Variants in FAM3B observed in about 807,000 individuals in gnomAD.
FAM3B encodes FAM3 metabolism regulating signaling molecule B.
A neutral mutation model predicts 28.4 loss-of-function variants in FAM3B; 29 were observed. That is an observed-to-expected ratio of 1.02 (90% CI 0.76 to 1.39). The LOEUF is 1.39. Ranked by LOEUF, FAM3B falls within the 40% of genes most tolerant of loss-of-function variation. The probability of loss-of-function intolerance (pLI) is 0.00; values close to 1 mark genes in which losing one functional copy is unlikely to be tolerated. For synonymous variants in FAM3B, 91 were observed against 103.0 expected (o/e 0.88, Z 0.71); for missense variants, 266 against 293.9 (o/e 0.91, Z 0.69).
At chr21:41,348,571 G>A in intron 6 of FAM3B, 21 bp from the exon 7 acceptor site, 2 of 1,614,132 alleles carry the variant, frequency 1.2e-6, no homozygotes, top group Non-Finnish European at 1.7e-6. Context: ...ATGCTCACAT[G>A]CTTTTCCCTT....
chr21:41,344,379 C>T (rs113057956), intron 3 of FAM3B, 97 bp from the exon 4 acceptor site: 20,640 of 1,103,436 alleles, frequency 0.019, 350 homozygotes, highest in East Asian at 0.063. Flanking sequence ...AGGTGGGGGA[C>T]AGCAGATGAG....
At chr21:41,305,043 C>G (rs1256737350) in intron 1 of FAM3B, among the ~76,000 whole-genome samples, 1 of 152,138 alleles carries the variant, frequency 6.6e-6, no homozygotes. Flanking sequence ...AACACGTTTT[C>G]CTCCTTTATT....
upstream of FAM3B, among the ~76,000 whole-genome samples, chr21:41,313,747 A>G (rs1007919617): frequency 3.3e-5 from 5 of 152,022 alleles, no homozygotes; most frequent in Admixed American, 3.3e-4. Context: ...TACAGTATGT[A>G]TGCATGTCGC....
chr21:41,322,033 C>T (rs559300148), intron 1 of FAM3B, among the ~76,000 whole-genome samples: 2 of 152,284 alleles, frequency 1.3e-5, no homozygotes, highest in South Asian at 4.1e-4. Flanking sequence ...GCACTGGGCA[C>T]ATACCCCAGT....
intron 3 of FAM3B, among the ~76,000 whole-genome samples, chr21:41,338,728 C>T (rs917867087): frequency 2.6e-5 from 4 of 152,138 alleles, no homozygotes; most frequent in South Asian, 2.1e-4. Flanking sequence ...AATGGTTTTA[C>T]GGTTTCGTTT....
At chr21:41,354,841 A>G (rs1222551137) in intron 7 of FAM3B, among the ~76,000 whole-genome samples, 1 of 152,192 alleles carries the variant, frequency 6.6e-6, no homozygotes, top group African/African-American at 2.4e-5. Flanking sequence ...CCGAACTTAA[A>G]AGTTAAAAAA....
In FAM3B at chr21:41,326,530, T is replaced by C. The variant is rs916591950; in HGVS notation, c.163+3464T>C. Among the ~76,000 whole-genome samples the C allele has an allele frequency of 1.3e-5, 2 of 152,192 alleles. No individual in the cohort carries two copies. Among genetic ancestry groups the C allele is most frequent in the African/African-American group, 4.8e-5 (2 of 41,452 alleles). On this transcript the variant is annotated intron_variant, in intron 2 of 7. Coordinates refer to ENST00000357985, the MANE Select transcript of FAM3B (RefSeq NM_058186.4). This position sits in a 1 kb window ranked among gnomAD's most constrained non-coding sequence, Gnocchi z 4.0. Reference sequence around the variant, plus strand: ...TGCGCATGTCCACACGAAACAGGACTCTCACTTTGCAGAGCGCCAGGGGCT... The same window carrying C: ...TGCGCATGTCCACACGAAACAGGACCCTCACTTTGCAGAGCGCCAGGGGCT...
chr21:41,316,820 C>T lies in FAM3B; in HGVS notation c.-60C>T. 5 of 1,420,250 alleles carry T rather than the reference C, an allele frequency of 3.5e-6. No individual in the cohort carries two copies. The Admixed American group carries it at 1.2e-4, about 34-fold the overall frequency. The allele number at this position is 1,420,250 out of a possible 1,614,324, so 88.0% of individuals were successfully genotyped here. On this transcript the variant is annotated 5_prime_UTR_variant, in exon 1 of 8. Transcript: ENST00000357985. Reference sequence around the variant, plus strand: ...CCTTGCCTTCCTGACCCAGGGGCTCCGCTGGCTGCGGTCGCCTGGGAGCTG... The same window carrying T: ...CCTTGCCTTCCTGACCCAGGGGCTCTGCTGGCTGCGGTCGCCTGGGAGCTG...
chr21:41,344,016 A>T (rs2145824298), intron 3 of FAM3B, among the ~76,000 whole-genome samples: 1 of 152,256 alleles, frequency 6.6e-6, no homozygotes, highest in East Asian at 1.9e-4. Context: ...GCTACTTGGG[A>T]GGCTGAGATG....
intron 2 of FAM3B, among the ~76,000 whole-genome samples, chr21:41,325,505 A>G (rs2088847820): frequency 6.6e-6 from 1 of 152,220 alleles, no homozygotes. Flanking sequence ...ATGAGATCAT[A>G]GTTCCCAAAT....
intron 7 of FAM3B, among the ~76,000 whole-genome samples, chr21:41,352,599 C>G (rs1300652112): frequency 6.6e-6 from 1 of 152,026 alleles, no homozygotes; most frequent in Admixed American, 6.6e-5. Flanking sequence ...TCAAGACCAG[C>G]CTGGCCAACA....
At chr21:41,308,971 T>C (rs1366555326) in intron 1 of FAM3B, among the ~76,000 whole-genome samples, 3 of 152,144 alleles carry the variant, frequency 2.0e-5, no homozygotes, top group Non-Finnish European at 4.4e-5. Flanking sequence ...CCTCCCACTT[T>C]AGATTCATCT....
Position 41,347,035 on chromosome 21 carries a change from G to A in FAM3B, c.420G>A (p.Lys140=), listed in dbSNP as rs756310800. The stretch of plus-strand genomic sequence containing the variant: ...TAGATAACTCTGGACCGATGACAAA[G>A]TTTATTCAGAGTGCTGCTCCAAAAT... ...YEGDNSGPMT[K]FIQSAAPKSL... is the part of the protein sequence containing the mutation. Residue 140 remains lysine, a synonymous_variant, in exon 6 of 8, where the codon AAG becomes AAA. Transcript: ENST00000357985. 4.3e-6 allele frequency: 7 copies of A among 1,614,144 alleles called. No individual in the cohort carries two copies. The highest frequency in any genetic ancestry group is 1.3e-5 in the African/African-American group (1 of 75,050).
chr21:41,331,489 G>A (rs913186579), intron 2 of FAM3B, among the ~76,000 whole-genome samples: 1 of 151,970 alleles, frequency 6.6e-6, no homozygotes, highest in African/African-American at 2.4e-5. Flanking sequence ...TGCTTTTAGG[G>A]CATATTCCCC....
chr21:41,348,928 T>C (rs1382865966), intron 7 of FAM3B, among the ~76,000 whole-genome samples: 1 of 152,196 alleles, frequency 6.6e-6, no homozygotes, highest in Non-Finnish European at 1.5e-5. Context: ...GGGCTGTTGG[T>C]ATTGGTTTTT....
At chr21:41,346,808 C>T (rs2089064897) in intron 5 of FAM3B, among the ~76,000 whole-genome samples, 1 of 152,178 alleles carries the variant, frequency 6.6e-6, no homozygotes, top group Non-Finnish European at 1.5e-5. Context: ...CGCTGTGCCA[C>T]TCACCTCAGA....
At chr21:41,314,876 T>C (rs181607971), upstream of FAM3B, among the ~76,000 whole-genome samples, 1 of 152,064 alleles carries the variant, frequency 6.6e-6, no homozygotes, top group East Asian at 1.9e-4. Flanking sequence ...AACAGTATGG[T>C]GATTCCTCAA....
intron 3 of FAM3B, among the ~76,000 whole-genome samples, chr21:41,343,531 A>G (rs1347117326): frequency 6.6e-6 from 1 of 152,226 alleles, no homozygotes; most frequent in Non-Finnish European, 1.5e-5. Flanking sequence ...AAGCCTAGAA[A>G]ACTCATAGGG....
intron 2 of FAM3B, among the ~76,000 whole-genome samples, chr21:41,335,443 T>C (rs898505064): frequency 2.0e-4 from 30 of 152,182 alleles, no homozygotes; most frequent in Non-Finnish European, 3.8e-4. Flanking sequence ...GAGGCAGTGC[T>C]CATAACAGTG....
Sources: gnomAD v4.1 joint callset for allele counts (sites outside exome capture counted in the v4.1 genomes callset) on GRCh38, gnomAD v4.1.1 for gene constraint, Gnocchi (gnomAD v3.1) non-coding constraint, MANE v1.5 for transcripts, NCBI Gene and HGNC (gene_info 2026-07-23, HGNC 2026-07-21) for gene names.